The following CEMIP variants were observed in gnomAD, a reference collection of about 807,000 sequenced individuals.
CEMIP encodes the protein cell migration inducing hyaluronidase 1, also known as cell migration-inducing and hyaluronan-binding protein.
In CEMIP, 105 loss-of-function variants were observed where a neutral mutation model predicts 156.9. The ratio of observed to expected loss-of-function variants is 0.67; its 90% CI spans 0.57 to 0.79. CEMIP has a LOEUF of 0.79. CEMIP is among the 30% of genes least tolerant of loss of function. The probability of loss-of-function intolerance (pLI) is 0.00; values close to 1 mark genes in which losing one functional copy is unlikely to be tolerated. For synonymous variants in CEMIP, 676 were observed against 668.4 expected, an observed-to-expected ratio of 1.01 and a Z score of -0.17; for missense variants, 1,457 against 1,769.4, an observed-to-expected ratio of 0.82 and a Z score of 3.17.
At chr15:80,882,376 T>A (rs1226948410) in intron 6 of CEMIP, among the ~76,000 whole-genome samples, 2 of 151,248 alleles carry the variant, frequency 1.3e-5, no homozygotes, top group African/African-American at 2.5e-5. Flanking sequence ...ATTTACTCAG[T>A]CACAAGGTTG....
Position 80,921,064 on chromosome 15 carries a change from A to G in CEMIP, c.2036A>G (p.Asn679Ser). ...AVSTFWMANP[N>S]NNLINCAAAG... ...TCCACCTTCTGGATGGCCAATCCCA[A>G]CAACAACCTCATCAACTGTGCCGCT... Residue 679 changes from asparagine to serine, a missense_variant, in exon 16 of 30, where the codon AAC becomes AGC. Coordinates refer to ENST00000394685, the MANE Select transcript of CEMIP (RefSeq NM_001293298.2). The G allele has an allele frequency of 6.2e-7, 1 of 1,614,174 alleles. No individual in the cohort carries two copies. Among genetic ancestry groups the G allele is most frequent in the Non-Finnish European group, 8.5e-7 (1 of 1,180,034 alleles).
chr15:80,859,238 A>C (rs187535929), intron 1 of CEMIP, among the ~76,000 whole-genome samples: 1 of 152,354 alleles, frequency 6.6e-6, no homozygotes, highest in African/African-American at 2.4e-5. Context: ...AGTAAAGGGA[A>C]AGATGGCTGC....
At chr15:80,915,702 C>T (rs1469556521) in intron 14 of CEMIP, among the ~76,000 whole-genome samples, 2 of 152,158 alleles carry the variant, frequency 1.3e-5, no homozygotes, top group African/African-American at 4.8e-5. Flanking sequence ...TCTTGCCCCT[C>T]CTCCTCATTC....
At chr15:80,813,305 C>A (rs1896712156) in intron 1 of CEMIP, among the ~76,000 whole-genome samples, 1 of 151,812 alleles carries the variant, frequency 6.6e-6, no homozygotes, top group South Asian at 2.1e-4. Flanking sequence ...GTGTTAGCTG[C>A]CATCCTCCTC....
chr15:80,836,877 T>G (rs572166125), intron 1 of CEMIP, among the ~76,000 whole-genome samples: 3 of 152,290 alleles, frequency 2.0e-5, no homozygotes, highest in Admixed American at 2.0e-4. Flanking sequence ...CAGAATAATG[T>G]GATAGGATTG....
chr15:80,794,436 T>C (rs1896163515), intron 1 of CEMIP, among the ~76,000 whole-genome samples: 1 of 152,160 alleles, frequency 6.6e-6, no homozygotes, highest in South Asian at 2.1e-4. Context: ...TGCATGGAGA[T>C]TACAGTCTAG....
intron 1 of CEMIP, among the ~76,000 whole-genome samples, chr15:80,868,214 G>A (rs971630408): frequency 1.3e-5 from 2 of 152,126 alleles, no homozygotes; most frequent in African/African-American, 2.4e-5. Flanking sequence ...AAGAAAGCTG[G>A]AGGGAGATTC....
At chr15:80,842,655 C>G (rs991999561) in intron 1 of CEMIP, among the ~76,000 whole-genome samples, 1 of 152,074 alleles carries the variant, frequency 6.6e-6, no homozygotes, top group Non-Finnish European at 1.5e-5. Flanking sequence ...TCGCTTGAAC[C>G]TGGGAGGCAG....
At chr15:80,793,205 G>T (rs1896126886) in intron 1 of CEMIP, among the ~76,000 whole-genome samples, 1 of 152,180 alleles carries the variant, frequency 6.6e-6, no homozygotes, top group African/African-American at 2.4e-5. Flanking sequence ...TCCTTGCCTA[G>T]CTTGGCTGTG....
chr15:80,832,278 C>G (rs1378889663), intron 1 of CEMIP, among the ~76,000 whole-genome samples: 1 of 148,550 alleles, frequency 6.7e-6, no homozygotes, highest in Non-Finnish European at 1.5e-5. Flanking sequence ...TGTTACTATA[C>G]AGACAGGACT....
chr15:80,841,716 G>A (rs1897424143), intron 1 of CEMIP, among the ~76,000 whole-genome samples: 2 of 152,170 alleles, frequency 1.3e-5, no homozygotes, highest in Non-Finnish European at 2.9e-5. Flanking sequence ...AGGGGGTGTT[G>A]GCCAATGACA....
At chr15:80,941,248 C>T (rs181654433) in intron 25 of CEMIP, among the ~76,000 whole-genome samples, 47 of 152,290 alleles carry the variant, frequency 3.1e-4, no homozygotes, top group African/African-American at 1.1e-3. Flanking sequence ...CTTTTCTGCA[C>T]TAAAAGAACA....
Position 80,821,516 on chromosome 15 carries a change from A to G in CEMIP, c.-176+41902A>G, listed in dbSNP as rs142177305. Among the ~76,000 whole-genome samples, 1,112 of 152,300 alleles carry G rather than the reference A, an allele frequency of 7.3e-3. 8 individuals carry two copies. Among genetic ancestry groups the G allele is most frequent in the Middle Eastern group, 0.014 (4 of 294 alleles). On this transcript the variant is annotated intron_variant, in intron 1 of 29. Coordinates refer to ENST00000394685, the MANE Select transcript of CEMIP (RefSeq NM_001293298.2). The stretch of plus-strand genomic sequence containing the variant: ...GATCGGCAGGGAGGCTTTTTCCATC[A>G]ACCAGGTGAAAATAATAGGGTCCGA...
At chr15:80,792,355 G>A (rs2085112964) in intron 1 of CEMIP, among the ~76,000 whole-genome samples, 1 of 152,164 alleles carries the variant, frequency 6.6e-6, no homozygotes, top group Admixed American at 6.5e-5. Flanking sequence ...TCCTTGGGTT[G>A]TAGAATATTA....
chr15:80,933,180 C>A, intron 22 of CEMIP, 65 bp from the exon 23 acceptor site: 1 of 1,399,622 alleles, frequency 7.1e-7, no homozygotes, highest in Non-Finnish European at 1.0e-6. Flanking sequence ...CTCGCCCTGG[C>A]CTGATGACGG....
intron 1 of CEMIP, among the ~76,000 whole-genome samples, chr15:80,808,006 T>G (rs1896557282): frequency 6.6e-6 from 1 of 152,188 alleles, no homozygotes; most frequent in Non-Finnish European, 1.5e-5. Context: ...CTCTACCCAT[T>G]GCAGCCCCTT....
At position 80,822,007 on chromosome 15, in the gene CEMIP, C is replaced by A. The variant is rs150499336; in HGVS notation, c.-176+42393C>A. ...TCCTCCTGGTTGCTGCACCTTGAGA[C>A]TGTGGTGCTATGATTGGATCAGTTC... On this transcript the variant is annotated intron_variant, in intron 1 of 29. Coordinates refer to ENST00000394685, the MANE Select transcript of CEMIP (RefSeq NM_001293298.2). 2.3e-3 allele frequency among the ~76,000 whole-genome samples: 344 copies of A among 152,346 alleles called. 1 individual carries two copies. The highest frequency in any genetic ancestry group is 4.0e-3 in the Non-Finnish European group (269 of 68,030).
At chr15:80,845,671 G>C (rs1363995851) in intron 1 of CEMIP, among the ~76,000 whole-genome samples, 2 of 152,162 alleles carry the variant, frequency 1.3e-5, no homozygotes, top group Non-Finnish European at 2.9e-5. Flanking sequence ...TTGGTGTGGT[G>C]GGATCTGGGA....
intron 1 of CEMIP, among the ~76,000 whole-genome samples, chr15:80,832,749 C>A (rs1253430367): frequency 6.6e-6 from 1 of 152,174 alleles, no homozygotes; most frequent in Non-Finnish European, 1.5e-5. Flanking sequence ...TCTCTTAAGG[C>A]TTAACTTTCT....
Sources: allele counts gnomAD v4.1 joint callset (sites outside exome capture counted in the v4.1 genomes callset), GRCh38; gene constraint gnomAD v4.1.1; transcripts MANE v1.5; gene names NCBI Gene and HGNC (gene_info 2026-07-23, HGNC 2026-07-21).